Variants in GRXCR1 observed in about 807,000 individuals in gnomAD.
The protein encoded by GRXCR1 is glutaredoxin and cysteine rich domain containing 1.
GRXCR1 carries 27 observed loss-of-function variants against 27.3 expected under a neutral mutation model. The ratio of observed to expected loss-of-function variants is 0.99; its 90% CI spans 0.73 to 1.37. The LOEUF is 1.37. Ranked by LOEUF, GRXCR1 falls within the 40% of genes most tolerant of loss-of-function variation. GRXCR1 has a pLI of 0.00. For missense variants in GRXCR1, 379 were observed against 354.4 expected, an observed-to-expected ratio of 1.07 and a Z score of -0.56; for synonymous variants, 122 against 131.1, an observed-to-expected ratio of 0.93 and a Z score of 0.47.
intron 1 of GRXCR1, 151 bp from the exon 2 acceptor site, chr4:42,962,741 T>A: frequency 6.2e-6 from 5 of 810,936 alleles, no homozygotes; most frequent in Non-Finnish European, 1.1e-5. Flanking sequence ...CAATTACAGA[T>A]GTTGTAACTT....
At chr4:42,974,941 A>G (rs1334517254) in intron 2 of GRXCR1, among the ~76,000 whole-genome samples, 1 of 152,108 alleles carries the variant, frequency 6.6e-6, no homozygotes, top group Admixed American at 6.6e-5. Flanking sequence ...TTATTGCCAC[A>G]AGTCTGTTCT....
chr4:42,989,322 C>T (rs567681617), intron 2 of GRXCR1, among the ~76,000 whole-genome samples: 5 of 152,020 alleles, frequency 3.3e-5, no homozygotes, highest in African/African-American at 7.3e-5. Flanking sequence ...TTCCTATTGT[C>T]TCTTCTTCAT....
chr4:42,987,222 T>TATTATATATTATATA (rs369022273), intron 2 of GRXCR1, among the ~76,000 whole-genome samples: 1,994 of 100,354 alleles, frequency 0.02, 62 homozygotes, highest in East Asian at 0.063. Context: ...TATATATATA[T>TATTATATATTATATA]TATATATTAT....
intron 1 of GRXCR1, among the ~76,000 whole-genome samples, chr4:42,957,310 A>G (rs2109772235): frequency 6.6e-6 from 1 of 152,098 alleles, no homozygotes; most frequent in South Asian, 2.1e-4. Context: ...TTGGCTTTCT[A>G]TTACTTTTAA....
intron 1 of GRXCR1, among the ~76,000 whole-genome samples, chr4:42,905,240 C>T (rs1033307998): frequency 6.6e-6 from 1 of 152,208 alleles, no homozygotes; most frequent in African/African-American, 2.4e-5. Context: ...CTGCAGTTGG[C>T]TCTATACCTG....
intron 2 of GRXCR1, among the ~76,000 whole-genome samples, chr4:42,966,955 A>T (rs1748251228): frequency 6.6e-6 from 1 of 151,954 alleles, no homozygotes; most frequent in South Asian, 2.1e-4. Flanking sequence ...TCCTTACTAG[A>T]TATGTCTTTT....
intron 1 of GRXCR1, among the ~76,000 whole-genome samples, chr4:42,901,121 C>T (rs1018302360): frequency 1.3e-5 from 2 of 152,096 alleles, no homozygotes; most frequent in Non-Finnish European, 2.9e-5. Context: ...AAATCAAGAA[C>T]ATGGTCATTG....
chr4:42,938,091 C>G (rs1281497625), intron 1 of GRXCR1, among the ~76,000 whole-genome samples: 1 of 151,966 alleles, frequency 6.6e-6, no homozygotes, highest in African/African-American at 2.4e-5. Flanking sequence ...CTCTTTCCAG[C>G]CACTGGTAAC....
At chr4:42,923,008 T>G (rs1272656894) in intron 1 of GRXCR1, among the ~76,000 whole-genome samples, 2 of 152,152 alleles carry the variant, frequency 1.3e-5, no homozygotes, top group Non-Finnish European at 2.9e-5. Context: ...ACATCAGATC[T>G]GCACAATAAT....
chr4:42,924,178 G>A (rs150860060), intron 1 of GRXCR1, among the ~76,000 whole-genome samples: 217 of 152,164 alleles, frequency 1.4e-3, no homozygotes, highest in Non-Finnish European at 2.4e-3. Context: ...TACAAGAATC[G>A]GGTCTTACAA....
At chr4:42,905,598 T>A (rs1397828176) in intron 1 of GRXCR1, among the ~76,000 whole-genome samples, 2 of 152,164 alleles carry the variant, frequency 1.3e-5, no homozygotes, top group Non-Finnish European at 2.9e-5. Context: ...GTCTGGTCAT[T>A]CTTGGCTTGT....
chr4:42,969,859 A>T (rs2109778708), intron 2 of GRXCR1, among the ~76,000 whole-genome samples: 1 of 152,258 alleles, frequency 6.6e-6, no homozygotes, highest in South Asian at 2.1e-4. Flanking sequence ...TTCCTGCATT[A>T]ACCCAAAAGT....
chr4:42,999,916 G>A (rs1712294552), intron 2 of GRXCR1, among the ~76,000 whole-genome samples: 2 of 152,190 alleles, frequency 1.3e-5, no homozygotes, highest in African/African-American at 2.4e-5. Context: ...TCTGGTTAAT[G>A]TGTCTTTGTT....
At chr4:42,950,831 A>G (rs1577917880) in intron 1 of GRXCR1, among the ~76,000 whole-genome samples, 1 of 152,320 alleles carries the variant, frequency 6.6e-6, no homozygotes, top group Non-Finnish European at 1.5e-5. Context: ...TTCTCCAGAG[A>G]AACAGAACCA....
At chr4:42,905,525 T>C (rs1426556510) in intron 1 of GRXCR1, among the ~76,000 whole-genome samples, 1 of 152,218 alleles carries the variant, frequency 6.6e-6, no homozygotes, top group Non-Finnish European at 1.5e-5. Context: ...CAAAAGAGGC[T>C]GTTGCTGAGT....
intron 1 of GRXCR1, among the ~76,000 whole-genome samples, chr4:42,923,506 C>T (rs189686150): frequency 7.9e-5 from 12 of 152,130 alleles, no homozygotes; most frequent in Admixed American, 7.2e-4. Flanking sequence ...CAAATGTTTA[C>T]CTTGATCTTT....
intron 3 of GRXCR1, among the ~76,000 whole-genome samples, chr4:43,026,545 C>G (rs1268783442): frequency 6.6e-6 from 1 of 152,112 alleles, no homozygotes; most frequent in African/African-American, 2.4e-5. Context: ...ACCCACCTCA[C>G]CACCACTTTG....
At chr4:42,946,620 T>G (rs1454394788) in intron 1 of GRXCR1, among the ~76,000 whole-genome samples, 1 of 152,166 alleles carries the variant, frequency 6.6e-6, no homozygotes, top group Non-Finnish European at 1.5e-5. Flanking sequence ...GCTTCCCTGA[T>G]GAGGGCTTTT....
At chr4:42,926,218 G>A (rs1351095985) in intron 1 of GRXCR1, among the ~76,000 whole-genome samples, 2 of 151,976 alleles carry the variant, frequency 1.3e-5, no homozygotes, top group African/African-American at 2.4e-5. Flanking sequence ...TAAGAGACAA[G>A]CTTATTGTGA....
Sources: gnomAD v4.1 joint callset for allele counts (sites outside exome capture counted in the v4.1 genomes callset) on GRCh38, gnomAD v4.1.1 for gene constraint, MANE v1.5 for transcripts, NCBI Gene and HGNC (gene_info 2026-07-23, HGNC 2026-07-21) for gene names.